The following BRINP3 variants were observed in gnomAD, a reference collection of about 807,000 sequenced individuals.
BRINP3 encodes BMP/retinoic acid inducible neural specific 3.
A neutral mutation model predicts 71.0 loss-of-function variants in BRINP3; 19 were observed. That is an observed-to-expected ratio of 0.27 (90% CI 0.19 to 0.39). The LOEUF (loss-of-function observed/expected upper bound fraction) is 0.39. Among genes scored for constraint, BRINP3 ranks in the 10% least tolerant of loss-of-function variants. BRINP3 has a pLI of 1.00. For missense variants in BRINP3, 959 were observed against 940.8 expected (o/e 1.02, Z -0.25); for synonymous variants, 380 against 337.7 (o/e 1.13, Z -1.37).
chr1:190,285,328 A>T (rs1260346153), intron 2 of BRINP3, among the ~76,000 whole-genome samples: 3 of 152,184 alleles, frequency 2.0e-5, no homozygotes, highest in African/African-American at 7.2e-5. Flanking sequence ...TTACTTTGAC[A>T]GATGAATTGT....
At chr1:190,450,684 T>C (rs1675548170) in intron 2 of BRINP3, among the ~76,000 whole-genome samples, 1 of 152,122 alleles carries the variant, frequency 6.6e-6, no homozygotes, top group Non-Finnish European at 1.5e-5. Flanking sequence ...ATTATGAAGT[T>C]TTTTTCCTCT....
intron 2 of BRINP3, among the ~76,000 whole-genome samples, chr1:190,333,276 C>T (rs2103086231): frequency 6.6e-6 from 1 of 151,994 alleles, no homozygotes; most frequent in Admixed American, 6.6e-5. Flanking sequence ...ACCTACGATT[C>T]AATCGTAGAG....
intron 2 of BRINP3, among the ~76,000 whole-genome samples, chr1:190,400,287 T>G (rs1671838091): frequency 1.3e-5 from 2 of 152,264 alleles, no homozygotes; most frequent in African/African-American, 2.4e-5. Context: ...AAGCTATAAC[T>G]TATGAGTTGA....
intron 2 of BRINP3, among the ~76,000 whole-genome samples, chr1:190,374,322 CTA>C (rs1463790215): frequency 6.6e-6 from 1 of 152,042 alleles, no homozygotes; most frequent in African/African-American, 2.4e-5. Context: ...GTCTATCTAT[CTA>C]TGTTTCAACC....
At chr1:190,139,818 G>C (rs1245511093) in intron 7 of BRINP3, among the ~76,000 whole-genome samples, 1 of 152,074 alleles carries the variant, frequency 6.6e-6, no homozygotes, top group Admixed American at 6.6e-5. Flanking sequence ...CATGTTTGTA[G>C]GCCCAATATT....
chr1:190,274,807 AG>A (rs1016487947), intron 3 of BRINP3, among the ~76,000 whole-genome samples: 9 of 151,544 alleles, frequency 5.9e-5, no homozygotes, highest in African/African-American at 2.2e-4. Flanking sequence ...GGGGGAAAAA[AG>A]TGTTTTAGAA....
chr1:190,300,004 T>C (rs929287135), intron 2 of BRINP3, among the ~76,000 whole-genome samples: 5 of 152,124 alleles, frequency 3.3e-5, no homozygotes, highest in Non-Finnish European at 7.4e-5. Context: ...ATTTCAACTT[T>C]GGTGAATCTG....
At chr1:190,133,550 A>G (rs868558518) in intron 7 of BRINP3, among the ~76,000 whole-genome samples, 4 of 152,118 alleles carry the variant, frequency 2.6e-5, no homozygotes, top group African/African-American at 4.8e-5. Flanking sequence ...GATGAAAAGC[A>G]TAATGGATGC....
intron 7 of BRINP3, among the ~76,000 whole-genome samples, chr1:190,150,946 C>A (rs968883909): frequency 6.6e-6 from 1 of 151,884 alleles, no homozygotes; most frequent in Non-Finnish European, 1.5e-5. Context: ...TGTGAGATAA[C>A]AAGACCACCA....
chr1:190,470,491 C>T (rs560460658), intron 1 of BRINP3, among the ~76,000 whole-genome samples: 9 of 150,986 alleles, frequency 6.0e-5, no homozygotes, highest in Non-Finnish European at 8.9e-5. Context: ...CTTTTAAAGG[C>T]AACCACATCT....
chr1:190,302,007 G>T (rs1473663955), intron 2 of BRINP3, among the ~76,000 whole-genome samples: 1 of 151,266 alleles, frequency 6.6e-6, no homozygotes, highest in African/African-American at 2.4e-5. Flanking sequence ...TTTATTTTCT[G>T]AGTACTTTTA....
At chr1:190,369,538 T>C (rs974283719) in intron 2 of BRINP3, among the ~76,000 whole-genome samples, 2 of 152,130 alleles carry the variant, frequency 1.3e-5, no homozygotes, top group African/African-American at 4.8e-5. Flanking sequence ...TGAAAAGGTA[T>C]TCACATTAAT....
At chr1:190,114,954 C>T (rs1653004273) in intron 7 of BRINP3, among the ~76,000 whole-genome samples, 1 of 152,172 alleles carries the variant, frequency 6.6e-6, no homozygotes, top group South Asian at 2.1e-4. Context: ...TGAGGATTCT[C>T]ATAGCTATCC....
chr1:190,258,127 T>TG (rs1269516812), intron 4 of BRINP3, among the ~76,000 whole-genome samples: 1 of 152,310 alleles, frequency 6.6e-6, no homozygotes, highest in South Asian at 2.1e-4. Context: ...TGCTGAACTG[T>TG]GGGGGGCTCT....
rs1675861840 is a variant in BRINP3, at chr1:190,454,602, T to C, written c.236+53A>G. On this transcript the variant is annotated intron_variant, in intron 2 of 7. Transcript: ENST00000367462. ...ACTTTCCCTTAGAGAAACTTATGTA[T>C]ACACAACCTTCAAGGATGATATTTC... The C allele has an allele frequency of 4.1e-6, 6 of 1,478,458 alleles. No individual in the cohort carries two copies. In the South Asian group the frequency reaches 4.8e-5, roughly 12 times the overall value. 91.6% of individuals were successfully genotyped at this position (1,478,458 alleles called of 1,614,324 possible).
intron 6 of BRINP3, among the ~76,000 whole-genome samples, chr1:190,193,367 A>T (rs1654211410): frequency 6.6e-6 from 1 of 152,116 alleles, no homozygotes; most frequent in South Asian, 2.1e-4. Flanking sequence ...AAAGAAACTG[A>T]TTTGGTCTGT....
At chr1:190,407,118 A>C (rs1343743272) in intron 2 of BRINP3, among the ~76,000 whole-genome samples, 2 of 152,206 alleles carry the variant, frequency 1.3e-5, no homozygotes, top group Non-Finnish European at 2.9e-5. Flanking sequence ...AATCTGGTCT[A>C]TCAGGAGACT....
At chr1:190,467,395 C>T (rs907047754) in intron 1 of BRINP3, among the ~76,000 whole-genome samples, 1 of 151,444 alleles carries the variant, frequency 6.6e-6, no homozygotes, top group Non-Finnish European at 1.5e-5. Flanking sequence ...AAGTGATCGA[C>T]AACAAGCAAA....
intron 7 of BRINP3, among the ~76,000 whole-genome samples, chr1:190,103,861 AGTAATATTAACTGTTT>A (rs1254828530): frequency 1.3e-5 from 2 of 151,976 alleles, no homozygotes; most frequent in Non-Finnish European, 2.9e-5. Flanking sequence ...GTTCTGGTCC[AGTAATATTAACTGTTT>A]GGTGAACATC....
Sources: gnomAD v4.1 joint callset for allele counts (sites outside exome capture counted in the v4.1 genomes callset) on GRCh38, gnomAD v4.1.1 for gene constraint, MANE v1.5 for transcripts, NCBI Gene and HGNC (gene_info 2026-07-23, HGNC 2026-07-21) for gene names.